ZGRF1: variants seen among roughly 807,000 people sequenced by gnomAD.
ZGRF1 encodes the protein zinc finger GRF-type containing 1.
ZGRF1 carries 196 observed loss-of-function variants against 203.5 expected under a neutral mutation model. The ratio of observed to expected loss-of-function variants is 0.96; its 90% confidence interval spans 0.86 to 1.08. The LOEUF (loss-of-function observed/expected upper bound fraction) is 1.08. Among genes scored for constraint, ZGRF1 ranks in the 50% least tolerant of loss-of-function variants. The pLI is 0.00. For missense variants in ZGRF1, 2,326 were observed against 2,416.3 expected (o/e 0.96, Z 0.78); for synonymous variants, 809 against 841.3 (o/e 0.96, Z 0.66).
At chr4:112,596,043 T>A (rs569225349) in intron 10 of ZGRF1, among the ~76,000 whole-genome samples, 1 of 152,364 alleles carries the variant, frequency 6.6e-6, no homozygotes, top group South Asian at 2.1e-4. Flanking sequence ...AAACTCAGAA[T>A]ATAAAGCATA....
intron 9 of ZGRF1, among the ~76,000 whole-genome samples, chr4:112,605,350 G>A (rs190867617): frequency 1.4e-3 from 206 of 152,176 alleles, no homozygotes; most frequent in African/African-American, 4.2e-3. Flanking sequence ...TAGTAGAAAC[G>A]GGGTTTTGCC....
At chr4:112,612,678 T>C in intron 6 of ZGRF1, 90 bp from the exon 7 acceptor site, 1 of 749,294 alleles carries the variant, frequency 1.3e-6, no homozygotes, top group East Asian at 2.7e-5. Context: ...ACAAGGAATA[T>C]AACTTAAATT....
At chr4:112,617,415 T>C in intron 6 of ZGRF1, 25 bp downstream of exon 6, 1 of 1,493,194 alleles carries the variant, frequency 6.7e-7, no homozygotes, top group Non-Finnish European at 9.0e-7. Context: ...AAGAAAACAT[T>C]CCAAAATAGA....
At chr4:112,551,856 TTTTA>T (rs1435519070) in intron 22 of ZGRF1, among the ~76,000 whole-genome samples, 3 of 152,224 alleles carry the variant, frequency 2.0e-5, no homozygotes, top group Non-Finnish European at 2.9e-5. Flanking sequence ...TATGTTATCT[TTTTA>T]TTTATTATTA....
chr4:112,625,045 C>A (rs1303919059), intron 3 of ZGRF1, among the ~76,000 whole-genome samples: 4 of 152,128 alleles, frequency 2.6e-5, no homozygotes, highest in African/African-American at 9.7e-5. Flanking sequence ...TCCAGGTACT[C>A]TGCAGGCTGA....
In ZGRF1 at chr4:112,612,567, AC is replaced by A; in HGVS notation, c.2623del (p.Val875Ter). On this transcript the variant is annotated frameshift_variant, in exon 7 of 28. Coordinates refer to ENST00000505019, the MANE Select transcript of ZGRF1 (RefSeq NM_018392.5). LOFTEE classifies it high-confidence loss of function. ...PPEVRKPFIT[V>X]VSPKSPHLHK... The stretch of plus-strand genomic sequence containing the variant: ...CAGATGAGGAGACTTTGGTGAAACT[AC>A]TGTAATAAATGGTTTCCTCACTGTA... 6.2e-7 allele frequency: 1 copy of A among 1,606,176 alleles called. No homozygotes were observed. The highest frequency in any genetic ancestry group is 8.5e-7 in the Non-Finnish European group (1 of 1,174,066).
intron 3 of ZGRF1, chr4:112,629,877 G>A (rs561148809): frequency 1.2e-5 from 3 of 259,876 alleles, no homozygotes; most frequent in South Asian, 6.4e-5. Flanking sequence ...AAATTAGCCA[G>A]GCATGGTGGT....
chr4:112,548,434 A>C, intron 22 of ZGRF1, 54 bp from the exon 23 acceptor site: 3 of 1,414,812 alleles, frequency 2.1e-6, no homozygotes, highest in Non-Finnish European at 2.9e-6. Context: ...AAAATAAGAG[A>C]ACGTATTTAC....
intron 16 of ZGRF1, among the ~76,000 whole-genome samples, chr4:112,564,439 T>A (rs1447139687): frequency 2.0e-5 from 3 of 152,184 alleles, no homozygotes; most frequent in African/African-American, 7.2e-5. Flanking sequence ...ACAAAATCTA[T>A]CAAATTGGAT....
chr4:112,624,992 G>C (rs2047184399), intron 3 of ZGRF1, among the ~76,000 whole-genome samples: 1 of 152,120 alleles, frequency 6.6e-6, no homozygotes, highest in South Asian at 2.1e-4. Flanking sequence ...AAAACATGAC[G>C]TATTGGGCTT....
rs1279850310 is a variant in ZGRF1, at chr4:112,623,883, GA to G, written c.103-8del. The G allele has an allele frequency of 6.6e-7, 1 of 1,510,532 alleles. No individual in the cohort carries two copies. Among genetic ancestry groups the G allele is most frequent in the Non-Finnish European group, 9.1e-7 (1 of 1,097,398 alleles). 93.6% of individuals were successfully genotyped at this position (1,510,532 alleles called of 1,614,324 possible). A position where few individuals can be genotyped will look rare whatever the true frequency, so the allele number is the denominator to read the frequency against. On this transcript the variant is annotated splice_region_variant and splice_polypyrimidine_tract_variant and intron_variant, in intron 3 of 27. Transcript: ENST00000505019. ...TGTCATCATATAAAATTGCCTGTAT[GA>G]AAACAAAATAAATGTTAAAAAGGAA...
At chr4:112,606,812 G>A (rs1750840141) in intron 8 of ZGRF1, among the ~76,000 whole-genome samples, 2 of 152,132 alleles carry the variant, frequency 1.3e-5, no homozygotes, top group Admixed American at 6.6e-5. Flanking sequence ...TTTGAAGAAT[G>A]AATCATCTCC....
intron 16 of ZGRF1, chr4:112,565,429 TCAA>T: frequency 2.7e-6 from 1 of 368,460 alleles, no homozygotes; most frequent in Non-Finnish European, 4.3e-6. Flanking sequence ...CATTTCATTC[TCAA>T]AAAAAAAAAA....
intron 3 of ZGRF1, among the ~76,000 whole-genome samples, chr4:112,630,486 C>A (rs926001029): frequency 1.3e-5 from 2 of 152,064 alleles, no homozygotes; most frequent in African/African-American, 2.4e-5. Flanking sequence ...CCACTGCACT[C>A]CAGCCTGGGC....
chr4:112,625,129 T>A (rs1050216654), intron 3 of ZGRF1, among the ~76,000 whole-genome samples: 3 of 152,036 alleles, frequency 2.0e-5, no homozygotes, highest in South Asian at 2.1e-4. Flanking sequence ...CTCTAAAAAA[T>A]TTTTTTTATT....
In ZGRF1 at chr4:112,539,612, G is replaced by A. The variant is rs750350444; in HGVS notation, c.6250C>T (p.Gln2084Ter). Residue 2084 changes from glutamine (Q) to a stop codon, truncating the protein, a stop_gained, in exon 28 of 28, where the codon CAA becomes TAA. Transcript: ENST00000505019. LOFTEE classifies it high-confidence loss of function. ...TTTTTCTTCTGTTTTTCTTCCACTT[G>A]TTTTTCAAAATAATCTTTAAGGAGA... ...NHLLKDYFEK[Q>*]VEEKQKKKSE... 10 of 1,586,128 alleles carry A rather than the reference G, an allele frequency of 6.3e-6. No homozygotes were observed. Among genetic ancestry groups the A allele is most frequent in the Non-Finnish European group, 4.3e-6 (5 of 1,163,934 alleles).
In ZGRF1 at chr4:112,619,560, A is replaced by G; in HGVS notation, c.482T>C (p.Phe161Ser). Residue 161 changes from phenylalanine to serine, a missense_variant, in exon 6 of 28, where the codon TTT becomes TCT. Phe to Ser is a radical substitution (Grantham distance 155, BLOSUM62 -2). Transcript: ENST00000505019. ...FSPFCSMPPL[F>S]PTVGKKDVNN... ...TACATCTTTCTTGCCAACAGTAGGA[A>G]ACAAAGGAGGCATGCTGCAGAATGG... The G allele has an allele frequency of 1.9e-6, 3 of 1,614,124 alleles. No individual in the cohort carries two copies. Among genetic ancestry groups the G allele is most frequent in the Non-Finnish European group, 2.5e-6 (3 of 1,179,996 alleles).
intron 6 of ZGRF1, among the ~76,000 whole-genome samples, chr4:112,612,808 G>A (rs185185739): frequency 6.3e-4 from 96 of 152,224 alleles, no homozygotes; most frequent in Admixed American, 1.8e-3. Context: ...TATTTAGAAT[G>A]AAAGCCTTTT....
chr4:112,600,042 TG>T (rs146504553), intron 10 of ZGRF1, among the ~76,000 whole-genome samples: 4,832 of 152,144 alleles, frequency 0.032, 260 homozygotes, highest in African/African-American at 0.11. Context: ...CTTGAGGTAA[TG>T]TTTTTTTTTC....
Sources: allele counts gnomAD v4.1 joint callset (sites outside exome capture counted in the v4.1 genomes callset), GRCh38; gene constraint gnomAD v4.1.1; transcripts MANE v1.5; gene names NCBI Gene and HGNC (gene_info 2026-07-23, HGNC 2026-07-21).